ABCA8: variants seen among roughly 807,000 people sequenced by gnomAD.
ABCA8 encodes the protein ATP binding cassette subfamily A member 8, also known as ABC-type organic anion transporter ABCA8.
ABCA8 carries 177 observed loss-of-function variants against 192.3 expected under a neutral mutation model. The observed-to-expected ratio is 0.92, with a 90% CI of 0.81 to 1.04. The LOEUF (loss-of-function observed/expected upper bound fraction) is 1.04, where lower values mean the gene tolerates loss of function less well. Among genes scored for constraint, ABCA8 ranks in the 50% least tolerant of loss-of-function variants. The pLI, the probability that ABCA8 is intolerant of heterozygous loss-of-function variation, is 0.00. For synonymous variants in ABCA8, 642 were observed against 690.2 expected (o/e 0.93, Z 1.09); for missense variants, 1,915 against 1,904.8 (o/e 1.01, Z -0.10).
chr17:68,929,169 G>A lies in ABCA8; in HGVS notation c.1005C>T (p.Phe335=). The A allele has an allele frequency of 6.2e-7, 1 of 1,611,168 alleles. No individual in the cohort carries two copies. The highest frequency in any genetic ancestry group is 1.1e-5 in the South Asian group (1 of 90,358). ...KKSFLTGLVV[F]LLTVFWGCLG... ...GACACCCCCAAAAGACAGTGAGGAG[G>A]AACACGACCAGGCCGGTGAGGAAAG... The change falls in exon 9 of 40, where the codon TTC becomes TTT. Residue 335 remains phenylalanine (F), a synonymous_variant. Transcript: ENST00000586539.
At chr17:68,936,242 A>T (rs2068061657) in intron 5 of ABCA8, among the ~76,000 whole-genome samples, 1 of 152,038 alleles carries the variant, frequency 6.6e-6, no homozygotes, top group African/African-American at 2.4e-5. Flanking sequence ...TAAGTCACAA[A>T]TTCTTTTCCT....
rs763971139 is a variant in ABCA8, at chr17:68,919,477, C to A, written c.1613-1G>T. 19 of 1,608,998 alleles carry A rather than the reference C, an allele frequency of 1.2e-5. No individual in the cohort carries two copies. The African/African-American group carries it at 1.3e-4, about 11-fold the overall frequency. On this transcript the variant is annotated splice_acceptor_variant, in intron 13 of 39. Coordinates refer to ENST00000586539, the MANE Select transcript of ABCA8 (RefSeq NM_001288985.2). LOFTEE classifies it high-confidence loss of function. The stretch of plus-strand genomic sequence containing the variant: ...TTATTGTTATAGATGGTGACTGAAC[C>A]TGTAACAAAGGAAAAGTTAATATCA...
At chr17:68,870,070 A>C (rs901965158) in intron 37 of ABCA8, among the ~76,000 whole-genome samples, 1 of 152,144 alleles carries the variant, frequency 6.6e-6, no homozygotes, top group Admixed American at 6.5e-5. Flanking sequence ...GTTTGAACCC[A>C]AGCTAGGGCC....
Position 68,933,262 on chromosome 17 carries a change from T to A in ABCA8, c.476A>T (p.Tyr159Phe), listed in dbSNP as rs1219354886. 2 of 1,607,076 alleles carry A rather than the reference T, an allele frequency of 1.2e-6. No individual in the cohort carries two copies. Reference sequence around the variant, plus strand: ...ACAGTAAACATCTTCATTTGTTTCATAACAATGAGCTTTGTGAAAAAACAA... The same window carrying A: ...ACAGTAAACATCTTCATTTGTTTCAAAACAATGAGCTTTGTGAAAAAACAA... ...KEHKDHTAHC[Y>F]ETNEDVYCEV... Residue 159 changes from tyrosine (Y) to phenylalanine (F), a missense_variant, in exon 6 of 40, where the codon TAT (tyrosine) becomes TTT (phenylalanine). Coordinates refer to ENST00000586539, the MANE Select transcript of ABCA8 (RefSeq NM_001288985.2).
chr17:68,908,414 G>C (rs148585051), intron 17 of ABCA8, among the ~76,000 whole-genome samples: 58 of 152,300 alleles, frequency 3.8e-4, no homozygotes, highest in African/African-American at 1.3e-3. Context: ...ATCATACTTA[G>C]TGTTGAGGAT....
At chr17:68,887,170 T>G (rs780379791) in intron 25 of ABCA8, 40 bp from the exon 26 acceptor site, 9 of 1,460,236 alleles carry the variant, frequency 6.2e-6, no homozygotes, top group Non-Finnish European at 8.4e-6. Context: ...TAAATACAAA[T>G]GCAATCAAGG....
intron 1 of ABCA8, among the ~76,000 whole-genome samples, chr17:68,952,764 A>G (rs576905504): frequency 3.9e-5 from 6 of 152,278 alleles, no homozygotes; most frequent in Admixed American, 3.3e-4. Flanking sequence ...TTATACTTCT[A>G]TAGATAACTG....
Position 68,919,736 on chromosome 17 carries a change from A to G in ABCA8, c.1613-260T>C, listed in dbSNP as rs377119957. The G allele has an allele frequency of 2.7e-5, 7 of 257,416 alleles. No homozygotes were observed. The East Asian group carries it at 4.2e-4, about 16-fold the overall frequency. The allele number at this position is 257,416 out of a possible 1,614,324, so 15.9% of individuals were successfully genotyped here. A position where few individuals can be genotyped will look rare whatever the true frequency, so the allele number is the denominator to read the frequency against. On this transcript the variant is annotated intron_variant, in intron 13 of 39. Transcript: ENST00000586539. ...GTATCCTAGCAAATGTGATACAAGC[A>G]GAGTCTGATGAAGAGCTTCCACCTA...
At chr17:68,937,880 G>T (rs910122996) in intron 4 of ABCA8, among the ~76,000 whole-genome samples, 1 of 151,832 alleles carries the variant, frequency 6.6e-6, no homozygotes, top group Non-Finnish European at 1.5e-5. Context: ...TATTAATAGA[G>T]TACAGAATAT....
In ABCA8 at chr17:68,867,765, A is replaced by T. The variant is rs930485655; in HGVS notation, c.*320T>A. ...GTGTTTTAAGATTTTTATTAAAAAA[A>T]TTTAAACAAAATTTGTTTATCTTAT... On this transcript the variant is annotated 3_prime_UTR_variant, in exon 40 of 40. Coordinates refer to ENST00000586539, the MANE Select transcript of ABCA8 (RefSeq NM_001288985.2). The T allele has an allele frequency of 5.1e-5, 9 of 178,008 alleles. No homozygotes were observed. Among genetic ancestry groups the T allele is most frequent in the African/African-American group, 7.0e-5 (3 of 42,624 alleles). The allele number at this position is 178,008 out of a possible 1,614,324, so 11.0% of individuals were successfully genotyped here.
chr17:68,882,900 T>G (rs1391261743), intron 29 of ABCA8, among the ~76,000 whole-genome samples, 181 bp from the exon 30 acceptor site: 1 of 152,228 alleles, frequency 6.6e-6, no homozygotes, highest in African/African-American at 2.4e-5. Flanking sequence ...TATGTTTTTT[T>G]CAATATCAAC....
chr17:68,906,528 A>G (rs1158241455), intron 18 of ABCA8, among the ~76,000 whole-genome samples: 1 of 152,176 alleles, frequency 6.6e-6, no homozygotes. Flanking sequence ...GAACAGATAT[A>G]AATGGGAGCC....
intron 13 of ABCA8, 187 bp from the exon 14 acceptor site, chr17:68,919,663 A>G (rs112984830): frequency 1.9e-6 from 1 of 534,164 alleles, no homozygotes; most frequent in Non-Finnish European, 3.3e-6. Flanking sequence ...ATCAAGGTGT[A>G]GTCCCTTTGT....
chr17:68,935,539 C>CATATATATATATATATATAT (rs1567877214), intron 5 of ABCA8, among the ~76,000 whole-genome samples: 9 of 41,820 alleles, frequency 2.2e-4, no homozygotes, highest in African/African-American at 5.1e-4. Flanking sequence ...GAGTAGTATT[C>CATATATATATATATATATAT]CTATATATAT....
chr17:68,907,655 G>T, intron 18 of ABCA8, 85 bp downstream of exon 18: 1 of 1,233,438 alleles, frequency 8.1e-7, no homozygotes, highest in Non-Finnish European at 1.1e-6. Context: ...GTAAGACATT[G>T]ATAAATGTTA....
intron 5 of ABCA8, 119 bp downstream of exon 5, chr17:68,936,832 G>T: frequency 2.4e-6 from 2 of 838,068 alleles, no homozygotes; most frequent in Non-Finnish European, 3.5e-6. Context: ...TGAGGGACAT[G>T]CATACATCAT....
chr17:68,942,196 T>G (rs1370695175), intron 2 of ABCA8, among the ~76,000 whole-genome samples, 157 bp from the exon 3 acceptor site: 2 of 152,176 alleles, frequency 1.3e-5, no homozygotes. Flanking sequence ...ATTACTCCCA[T>G]GCTCTCCTTC....
In ABCA8 at chr17:68,942,004, G is replaced by A; in HGVS notation, c.31C>T (p.Gln11Ter). The change falls in exon 3 of 40, where the codon CAA becomes TAA. Residue 11 changes from glutamine (Q) to a stop codon, truncating the protein, a stop_gained. Transcript: ENST00000586539. LOFTEE classifies it high-confidence loss of function. MRKRKISVCQ[Q>*]TWALLCKNFL... ...TTCTTGCATAATAAGGCCCAAGTTT[G>A]TTGACACACACTGATCTTTCTCTTC... 6.2e-7 allele frequency: 1 copy of A among 1,612,904 alleles called. No homozygotes were observed. The highest frequency in any genetic ancestry group is 8.5e-7 in the Non-Finnish European group (1 of 1,179,278).
rs774390458 is a variant in ABCA8, at chr17:68,882,650, C to T, written c.3777G>A (p.Gln1259=). The change falls in exon 30 of 40, where the codon CAG becomes CAA. Residue 1259 remains glutamine (Q), a synonymous_variant. Coordinates refer to ENST00000586539, the MANE Select transcript of ABCA8 (RefSeq NM_001288985.2). ...CATTTGCTGTTCTCACTCTTTCCAT[C>T]TGAACATCTTCATCCTCTCCTTCTG... ...EEPEGEDEDV[Q]MERVRTANAL... is the part of the protein sequence containing the mutation. 1.2e-6 allele frequency: 2 copies of T among 1,612,964 alleles called. No individual in the cohort carries two copies. Among genetic ancestry groups the T allele is most frequent in the Non-Finnish European group, 1.7e-6 (2 of 1,179,548 alleles).
Sources: allele counts gnomAD v4.1 joint callset (sites outside exome capture counted in the v4.1 genomes callset), GRCh38; gene constraint gnomAD v4.1.1; transcripts MANE v1.5; gene names NCBI Gene and HGNC (gene_info 2026-07-23, HGNC 2026-07-21).